SYCP1: variants seen among roughly 807,000 people sequenced by gnomAD.
The protein encoded by SYCP1 is cancer/testis antigen 8.
Under a neutral mutation model 153.1 loss-of-function variants are expected in SYCP1, and 64 were observed. The observed-to-expected ratio is 0.42, with a 90% CI of 0.34 to 0.51. The LOEUF (loss-of-function observed/expected upper bound fraction) is 0.51. SYCP1 is among the 20% of genes least tolerant of loss of function. The probability of loss-of-function intolerance (pLI) is 0.06; values close to 1 mark genes in which losing one functional copy is unlikely to be tolerated. For missense variants in SYCP1, 997 were observed against 1,049.0 expected (o/e 0.95, Z 0.68); for synonymous variants, 384 against 341.8 (o/e 1.12, Z -1.36).
At chr1:114,945,837 T>G (rs1670671967) in intron 25 of SYCP1, among the ~76,000 whole-genome samples, 1 of 152,202 alleles carries the variant, frequency 6.6e-6, no homozygotes, top group Admixed American at 6.5e-5. Flanking sequence ...ACATGCAGGT[T>G]TGTCACATAT....
At chr1:114,947,006 A>G (rs1167648222) in intron 26 of SYCP1, among the ~76,000 whole-genome samples, 1 of 152,128 alleles carries the variant, frequency 6.6e-6, no homozygotes, top group African/African-American at 2.4e-5. Flanking sequence ...TCTGCCTCCC[A>G]GGGAAGTGCT....
intron 23 of SYCP1, among the ~76,000 whole-genome samples, chr1:114,941,359 G>C (rs541565967): frequency 3.3e-5 from 5 of 152,120 alleles, no homozygotes; most frequent in Admixed American, 1.3e-4. Context: ...TTGCCTTAGA[G>C]CAAGTTTTTA....
At chr1:114,866,966 T>G (rs1664794199) in intron 8 of SYCP1, among the ~76,000 whole-genome samples, 1 of 152,088 alleles carries the variant, frequency 6.6e-6, no homozygotes. Flanking sequence ...AGACCATCTT[T>G]TCTCTATTTT....
intron 12 of SYCP1, among the ~76,000 whole-genome samples, chr1:114,883,624 T>A (rs1423319037): frequency 1.3e-5 from 2 of 152,230 alleles, no homozygotes; most frequent in African/African-American, 2.4e-5. Context: ...TTCCGATACA[T>A]GCCTAAGGGC....
intron 27 of SYCP1, among the ~76,000 whole-genome samples, chr1:114,971,964 A>G (rs1041119922): frequency 2.0e-5 from 3 of 151,818 alleles, no homozygotes; most frequent in African/African-American, 7.3e-5. Flanking sequence ...CCTCTCCTCT[A>G]TTTTTCAGAA....
intron 11 of SYCP1, 86 bp from the exon 12 acceptor site, chr1:114,878,008 G>A: frequency 3.8e-6 from 3 of 783,836 alleles, no homozygotes; most frequent in South Asian, 3.8e-5. Flanking sequence ...ATGTAGACAA[G>A]TACATAAAAT....
rs567322954 is a variant in SYCP1 at position 114,940,267 on chromosome 1, T to A, written c.1927-4072T>A. ...CGTGTGCCTCCATGCCGGCTAATTT[T>A]TGTATTTTTAGTAGAGAAGGGGTTT... On this transcript the variant is annotated intron_variant, in intron 23 of 31. Coordinates refer to ENST00000369522, the MANE Select transcript of SYCP1 (RefSeq NM_003176.4). 1.0e-3 allele frequency among the ~76,000 whole-genome samples: 158 copies of A among 152,210 alleles called. 2 individuals carry two copies. Among genetic ancestry groups the A allele is most frequent in the African/African-American group, 3.7e-3 (153 of 41,536 alleles).
intron 30 of SYCP1, among the ~76,000 whole-genome samples, chr1:114,986,758 G>A (rs2101969204): frequency 6.6e-6 from 1 of 152,112 alleles, no homozygotes; most frequent in East Asian, 1.9e-4. Flanking sequence ...TCTCTACCTA[G>A]ACAAAAAGTA....
At chr1:114,939,876 T>C (rs1670275304) in intron 23 of SYCP1, among the ~76,000 whole-genome samples, 2 of 152,214 alleles carry the variant, frequency 1.3e-5, no homozygotes, top group African/African-American at 2.4e-5. Flanking sequence ...AATTTAATCA[T>C]AGTTACAGTA....
At chr1:114,976,979 C>T (rs1199732519) in intron 27 of SYCP1, among the ~76,000 whole-genome samples, 1 of 151,782 alleles carries the variant, frequency 6.6e-6, no homozygotes, top group African/African-American at 2.4e-5. Flanking sequence ...TGTCATATTA[C>T]AGGCACCCTA....
At chr1:114,936,352 C>A (rs1198619968) in intron 23 of SYCP1, among the ~76,000 whole-genome samples, 1 of 152,116 alleles carries the variant, frequency 6.6e-6, no homozygotes, top group East Asian at 1.9e-4. Context: ...AAATTCAACA[C>A]CCCTTCATGC....
At chr1:114,929,816 A>T (rs1669511266) in intron 23 of SYCP1, among the ~76,000 whole-genome samples, 1 of 152,096 alleles carries the variant, frequency 6.6e-6, no homozygotes, top group African/African-American at 2.4e-5. Context: ...ATCTATAAGG[A>T]TGTAGAAAAT....
chr1:114,907,685 C>T (rs190968074), intron 16 of SYCP1, among the ~76,000 whole-genome samples: 106 of 151,574 alleles, frequency 7.0e-4, no homozygotes, highest in Admixed American at 2.4e-3. Flanking sequence ...GGGTTCATGC[C>T]GTTCTCCTGC....
Position 114,864,574 on chromosome 1 carries a change from C to T in SYCP1, c.598+3765C>T, listed in dbSNP as rs114013281. ...TTCCATCTTGGCTCACCATAACCCC[C>T]GCATCCCAAGCTCAAGCAATCTTCC... On this transcript the variant is annotated intron_variant, in intron 8 of 31. Transcript: ENST00000369522. Among the ~76,000 whole-genome samples the T allele has an allele frequency of 4.9e-3, 746 of 152,128 alleles. 8 individuals carry two copies. The highest frequency in any genetic ancestry group is 0.017 in the African/African-American group (693 of 41,466).
In SYCP1 at chr1:114,969,590, A is replaced by T. The variant is rs550656460; in HGVS notation, c.2323-7967A>T. On this transcript the variant is annotated intron_variant, in intron 27 of 31. Transcript: ENST00000369522. ...TCTTAGCTTGTTGGGCTCCATGGGG[A>T]TGGGATCTACTGAGCAAGACTACTC... Among the ~76,000 whole-genome samples, 5 of 152,258 alleles carry T rather than the reference A, an allele frequency of 3.3e-5. No homozygotes were observed. In the East Asian group the frequency reaches 5.8e-4, roughly 18 times the overall value.
At chr1:114,988,041 T>A (rs1220306599) in intron 30 of SYCP1, among the ~76,000 whole-genome samples, 1 of 101,838 alleles carries the variant, frequency 9.8e-6, no homozygotes. Context: ...TTGGTGAACG[T>A]AAAGATAGAC....
At chr1:114,904,072 G>A (rs902450351) in intron 16 of SYCP1, among the ~76,000 whole-genome samples, 1 of 150,492 alleles carries the variant, frequency 6.6e-6, no homozygotes, top group Admixed American at 6.6e-5. Context: ...AGCTATTCTA[G>A]TTCCTTTACA....
At position 114,994,960 on chromosome 1, in the gene SYCP1, G is replaced by A. The variant is rs2101998073; in HGVS notation, c.2872G>A (p.Val958Ile). ...IRKMREDRWA[V>I]IAKMDRKKKL... ...AAAAATGCGGGAGGACCGTTGGGCT[G>A]TAATTGCTAAAATGGATAGAAAAAA... is the stretch of plus-strand genomic sequence containing the variant. The change falls in exon 32 of 32, where the codon GTA becomes ATA. Residue 958 changes from valine to isoleucine, a missense_variant. Val to Ile is a conservative substitution (Grantham distance 29, BLOSUM62 3). Coordinates refer to ENST00000369522, the MANE Select transcript of SYCP1 (RefSeq NM_003176.4). The A allele has an allele frequency of 6.2e-7, 1 of 1,607,762 alleles. No individual in the cohort carries two copies. The highest frequency in any genetic ancestry group is 2.2e-5 in the East Asian group (1 of 44,686).
chr1:114,881,667 A>G (rs192947705), intron 12 of SYCP1, among the ~76,000 whole-genome samples: 1 of 152,068 alleles, frequency 6.6e-6, no homozygotes, highest in Non-Finnish European at 1.5e-5. Context: ...ACACCTGGCT[A>G]ATTTTAACAT....
Sources: allele counts gnomAD v4.1 joint callset (sites outside exome capture counted in the v4.1 genomes callset), GRCh38; gene constraint gnomAD v4.1.1; transcripts MANE v1.5; gene names NCBI Gene and HGNC (gene_info 2026-07-23, HGNC 2026-07-21).